The following ROBO2 variants were observed in gnomAD, a reference collection of about 807,000 sequenced individuals.
ROBO2 encodes the protein roundabout homolog 2.
A neutral mutation model predicts 160.8 loss-of-function variants in ROBO2; 53 were observed. The observed-to-expected ratio is 0.33, with a 90% CI of 0.26 to 0.41. The LOEUF (loss-of-function observed/expected upper bound fraction) is 0.41, where lower values mean the gene tolerates loss of function less well. Ranked by LOEUF, ROBO2 falls within the 10% of genes least tolerant of loss-of-function variation. The pLI is 1.00. For synonymous variants in ROBO2, 664 were observed against 611.7 expected, an observed-to-expected ratio of 1.09 and a Z score of -1.26; for missense variants, 1,577 against 1,722.4, an observed-to-expected ratio of 0.92 and a Z score of 1.49.
At chr3:77,593,428 C>T (rs1328140668) in intron 17 of ROBO2, among the ~76,000 whole-genome samples, 5 of 152,118 alleles carry the variant, frequency 3.3e-5, no homozygotes, top group African/African-American at 4.8e-5. Context: ...CCTGATTTCC[C>T]GCATTTCAGT....
At chr3:77,446,270 A>G (rs752226363) in intron 2 of ROBO2, among the ~76,000 whole-genome samples, 1 of 152,070 alleles carries the variant, frequency 6.6e-6, no homozygotes, top group African/African-American at 2.4e-5. Flanking sequence ...CACACACATA[A>G]ACACAAAGAA....
At chr3:76,077,137 T>G (rs559322138) in intron 2 of ROBO2, among the ~76,000 whole-genome samples, 7 of 152,330 alleles carry the variant, frequency 4.6e-5, no homozygotes, top group Non-Finnish European at 1.0e-4. Context: ...AATGGCAACT[T>G]CAATAATTAA....
At chr3:75,931,216 C>T (rs1389682229) in intron 1 of ROBO2, among the ~76,000 whole-genome samples, 2 of 152,222 alleles carry the variant, frequency 1.3e-5, no homozygotes, top group Non-Finnish European at 2.9e-5. Context: ...GGTCCTTGAA[C>T]ACTGTGGGTT....
intron 5 of ROBO2, among the ~76,000 whole-genome samples, chr3:77,498,880 T>A (rs922208795): frequency 6.6e-6 from 1 of 152,164 alleles, no homozygotes; most frequent in Non-Finnish European, 1.5e-5. Flanking sequence ...AGTGAAATGG[T>A]CTTAGCAAAA....
At chr3:77,124,252 G>A (rs920450084) in intron 2 of ROBO2, among the ~76,000 whole-genome samples, 2 of 152,138 alleles carry the variant, frequency 1.3e-5, no homozygotes, top group African/African-American at 4.8e-5. Context: ...TCCTTCTTCA[G>A]AAGATGTCTT....
intron 2 of ROBO2, among the ~76,000 whole-genome samples, chr3:76,799,192 C>A (rs1167039): frequency 6.6e-6 from 1 of 151,020 alleles, no homozygotes; most frequent in Non-Finnish European, 1.5e-5. Flanking sequence ...CCAGCCTGGG[C>A]GACAGAGTGA....
chr3:75,996,669 G>A (rs1021505179), intron 2 of ROBO2, among the ~76,000 whole-genome samples: 1 of 152,084 alleles, frequency 6.6e-6, no homozygotes, highest in Non-Finnish European at 1.5e-5. Context: ...AGTATACACT[G>A]TACAAATATT....
chr3:76,441,663 C>T (rs533386815), intron 2 of ROBO2, among the ~76,000 whole-genome samples: 3 of 152,276 alleles, frequency 2.0e-5, no homozygotes, highest in South Asian at 4.1e-4. Flanking sequence ...TGTATCCTCC[C>T]AGAAGAGAGC....
chr3:77,270,122 T>C (rs2059395026), intron 2 of ROBO2, among the ~76,000 whole-genome samples: 1 of 152,200 alleles, frequency 6.6e-6, no homozygotes, highest in South Asian at 2.1e-4. Context: ...AATATAGCTA[T>C]AATGAGTTCA....
At chr3:76,308,375 T>TC (rs2071419008) in intron 2 of ROBO2, among the ~76,000 whole-genome samples, 2 of 6,670 alleles carry the variant, frequency 3.0e-4, no homozygotes, top group Non-Finnish European at 1.4e-3. Flanking sequence ...AGACTCTGTC[T>TC]CAAAAAAAAA....
chr3:77,330,028 C>G (rs1401633591), intron 2 of ROBO2, among the ~76,000 whole-genome samples: 4 of 152,082 alleles, frequency 2.6e-5, no homozygotes, highest in African/African-American at 9.7e-5. Context: ...AATATTTCTA[C>G]TTTTCCTTTT....
At chr3:77,235,905 C>T (rs7431545) in intron 2 of ROBO2, among the ~76,000 whole-genome samples, 107,644 of 152,068 alleles carry the variant, frequency 0.71, 39,299 homozygotes, top group Middle Eastern at 0.84. Context: ...TTTGTTACAA[C>T]TGATGGACTT....
At chr3:77,120,657 GA>G (rs2074663179) in intron 2 of ROBO2, among the ~76,000 whole-genome samples, 1 of 152,120 alleles carries the variant, frequency 6.6e-6, no homozygotes, top group Non-Finnish European at 1.5e-5. Context: ...TGGCTTTGAA[GA>G]AAAATCAACT....
rs553868419 is a variant in ROBO2 at position 77,146,991 on chromosome 3, A to C, written c.388+48651A>C. On this transcript the variant is annotated intron_variant, in intron 2 of 25. Coordinates refer to ENST00000461745, the Ensembl canonical transcript of ROBO2. ...CAAAAAACAAAAAACAAAACAAAAC[A>C]AGAAAAATGGCCAAGATTTAGTAAA... Among the ~76,000 whole-genome samples, 31 of 152,172 alleles carry C rather than the reference A, an allele frequency of 2.0e-4. No homozygotes were observed. In the South Asian group the frequency reaches 6.4e-3, roughly 32 times the overall value.
chr3:77,046,247 A>G (rs1172219337), intron 1 of ROBO2, among the ~76,000 whole-genome samples: 1 of 152,214 alleles, frequency 6.6e-6, no homozygotes, highest in Non-Finnish European at 1.5e-5. Context: ...TTAATTGATC[A>G]TGGAAAGAAA....
intron 2 of ROBO2, among the ~76,000 whole-genome samples, chr3:77,432,322 G>A (rs2078855723): frequency 1.3e-5 from 2 of 152,048 alleles, no homozygotes; most frequent in African/African-American, 4.8e-5. Context: ...GGGTAATACA[G>A]GATACCCTCT....
intron 2 of ROBO2, among the ~76,000 whole-genome samples, chr3:76,454,092 C>T (rs371932279): frequency 1.3e-5 from 2 of 152,066 alleles, no homozygotes; most frequent in Non-Finnish European, 2.9e-5. Context: ...TAATATTATT[C>T]ATCTATTAAT....
intron 2 of ROBO2, among the ~76,000 whole-genome samples, chr3:76,300,652 G>A (rs1002418283): frequency 6.6e-6 from 1 of 151,910 alleles, no homozygotes; most frequent in African/African-American, 2.4e-5. Context: ...ATAGCAATGT[G>A]TGTGTATAAA....
chr3:76,390,483 TA>T (rs1306593518), intron 2 of ROBO2, among the ~76,000 whole-genome samples: 1 of 152,150 alleles, frequency 6.6e-6, no homozygotes, highest in African/African-American at 2.4e-5. Flanking sequence ...TGATATTACT[TA>T]ATACAAGATA....
Sources: gnomAD v4.1 joint callset for allele counts (sites outside exome capture counted in the v4.1 genomes callset) on GRCh38, gnomAD v4.1.1 for gene constraint, MANE v1.5 for transcripts, NCBI Gene and HGNC (gene_info 2026-07-23, HGNC 2026-07-21) for gene names.